The following NPAS3 variants were observed in gnomAD, a reference collection of about 807,000 sequenced individuals.
The protein encoded by NPAS3 is neuronal PAS domain-containing protein 3.
Under a neutral mutation model 73.1 loss-of-function variants are expected in NPAS3, and 14 were observed. That is an observed-to-expected ratio of 0.19 (90% CI 0.13 to 0.30). NPAS3 has a LOEUF of 0.30. Among genes scored for constraint, NPAS3 ranks in the 10% least tolerant of loss-of-function variants. The pLI is 1.00. For synonymous variants in NPAS3, 620 were observed against 541.5 expected (o/e 1.14, Z -2.01); for missense variants, 1,096 against 1,250.0 (o/e 0.88, Z 1.86).
intron 3 of NPAS3, among the ~76,000 whole-genome samples, chr14:33,279,851 C>G (rs1018881360): frequency 1.3e-5 from 2 of 152,014 alleles, no homozygotes; most frequent in Non-Finnish European, 2.9e-5. Context: ...ACAAAATTGC[C>G]AGTATTTAAC....
chr14:33,677,378 C>G (rs1021820988), intron 6 of NPAS3, among the ~76,000 whole-genome samples: 2 of 151,980 alleles, frequency 1.3e-5, no homozygotes, highest in Non-Finnish European at 2.9e-5. Flanking sequence ...TGAATCAAGG[C>G]CTGATTTGAA....
At chr14:33,434,042 A>T (rs893385170) in intron 4 of NPAS3, among the ~76,000 whole-genome samples, 4 of 151,800 alleles carry the variant, frequency 2.6e-5, no homozygotes, top group African/African-American at 9.7e-5. Context: ...AATAACAAAA[A>T]TTAGCTGGGC....
chr14:33,447,435 C>T (rs899096672), intron 4 of NPAS3, among the ~76,000 whole-genome samples: 3 of 152,130 alleles, frequency 2.0e-5, no homozygotes, highest in Admixed American at 6.5e-5. Flanking sequence ...GCCGGCATAA[C>T]ATGAAATGAT....
chr14:33,491,651 G>A (rs1190750428), intron 4 of NPAS3, among the ~76,000 whole-genome samples: 1 of 152,128 alleles, frequency 6.6e-6, no homozygotes, highest in African/African-American at 2.4e-5. Flanking sequence ...ATACTGAGTT[G>A]TTTGGTTCAC....
intron 3 of NPAS3, among the ~76,000 whole-genome samples, chr14:33,348,104 T>C (rs1028210194): frequency 2.0e-5 from 3 of 152,182 alleles, no homozygotes; most frequent in African/African-American, 7.2e-5. Flanking sequence ...TATCCTTGAA[T>C]TCACCTAACA....
At chr14:33,266,735 T>A (rs1465132115) in intron 3 of NPAS3, among the ~76,000 whole-genome samples, 2 of 152,232 alleles carry the variant, frequency 1.3e-5, no homozygotes, top group Non-Finnish European at 2.9e-5. Context: ...GATGAGCTTG[T>A]TAAAGACTCC....
chr14:33,101,872 C>T (rs2042586591), intron 2 of NPAS3, among the ~76,000 whole-genome samples: 2 of 152,052 alleles, frequency 1.3e-5, no homozygotes, highest in African/African-American at 4.8e-5. Flanking sequence ...CCTGTTTTTT[C>T]TTCCCTATCT....
At chr14:33,724,863 G>A (rs1349212351) in intron 6 of NPAS3, among the ~76,000 whole-genome samples, 1 of 152,012 alleles carries the variant, frequency 6.6e-6, no homozygotes, top group African/African-American at 2.4e-5. Context: ...TTGTCTGTGT[G>A]TATTAAGAGC....
chr14:33,433,083 G>T (rs1438649590), intron 4 of NPAS3, among the ~76,000 whole-genome samples: 1 of 152,148 alleles, frequency 6.6e-6, no homozygotes, highest in Non-Finnish European at 1.5e-5. Flanking sequence ...AAGTTGTGAG[G>T]ATGTATGGTT....
intron 1 of NPAS3, among the ~76,000 whole-genome samples, chr14:33,028,818 TA>T (rs1394970294): frequency 6.6e-6 from 1 of 152,180 alleles, no homozygotes; most frequent in African/African-American, 2.4e-5. Flanking sequence ...TATATGTATA[TA>T]TTTTTTAGAT....
chr14:33,281,989 G>A (rs182010293), intron 3 of NPAS3, among the ~76,000 whole-genome samples: 1 of 152,076 alleles, frequency 6.6e-6, no homozygotes, highest in South Asian at 2.1e-4. Flanking sequence ...AGTCTTTTCT[G>A]TTCCATTGAA....
chr14:32,983,441 T>C (rs1284957294), intron 1 of NPAS3, among the ~76,000 whole-genome samples: 1 of 152,190 alleles, frequency 6.6e-6, no homozygotes, highest in Non-Finnish European at 1.5e-5. Flanking sequence ...ATTAAATTAT[T>C]TATTTTTGAG....
intron 7 of NPAS3, among the ~76,000 whole-genome samples, 191 bp downstream of exon 7, chr14:33,735,523 C>G (rs2061501382): frequency 6.6e-6 from 1 of 152,132 alleles, no homozygotes; most frequent in African/African-American, 2.4e-5. Context: ...TCAGACATTG[C>G]TGGTGCACTA....
At chr14:33,099,528 A>G (rs2042522669) in intron 2 of NPAS3, among the ~76,000 whole-genome samples, 1 of 152,186 alleles carries the variant, frequency 6.6e-6, no homozygotes, top group South Asian at 2.1e-4. Context: ...AAATGGTGAT[A>G]GAGTTTGAAC....
chr14:33,094,832 C>T (rs1354268847), intron 2 of NPAS3, among the ~76,000 whole-genome samples: 2 of 152,148 alleles, frequency 1.3e-5, no homozygotes, highest in Non-Finnish European at 2.9e-5. Context: ...TTTATTGCAA[C>T]TATTATTATA....
At chr14:33,274,869 C>A (rs554255111) in intron 3 of NPAS3, among the ~76,000 whole-genome samples, 2 of 152,248 alleles carry the variant, frequency 1.3e-5, no homozygotes, top group Non-Finnish European at 2.9e-5. Context: ...TAAAGGGCTA[C>A]ATTTTTATAT....
intron 2 of NPAS3, among the ~76,000 whole-genome samples, chr14:33,198,372 G>A (rs2046465141): frequency 6.6e-6 from 1 of 152,074 alleles, no homozygotes; most frequent in African/African-American, 2.4e-5. Context: ...ACAGAGAGCT[G>A]ATTGGTCCAT....
At chr14:33,182,075 C>T (rs185833468) in intron 2 of NPAS3, among the ~76,000 whole-genome samples, 246 of 152,074 alleles carry the variant, frequency 1.6e-3, no homozygotes, top group Middle Eastern at 0.01. Context: ...TTCCTCCTTC[C>T]CCTAGATACC....
intron 5 of NPAS3, among the ~76,000 whole-genome samples, chr14:33,632,233 AGTGGGTT>A (rs2058398358): frequency 6.6e-6 from 1 of 152,104 alleles, no homozygotes; most frequent in South Asian, 2.1e-4. Context: ...GCCATACCTG[AGTGGGTT>A]CTTTTCATTT....
Sources: allele counts gnomAD v4.1 joint callset (sites outside exome capture counted in the v4.1 genomes callset), GRCh38; gene constraint gnomAD v4.1.1; transcripts MANE v1.5; gene names NCBI Gene and HGNC (gene_info 2026-07-23, HGNC 2026-07-21).